CD33: variants seen among roughly 807,000 people sequenced by gnomAD.
CD33 encodes the protein CD33 molecule, also known as myeloid cell surface antigen CD33.
A neutral mutation model predicts 31.4 loss-of-function variants in CD33; 25 were observed. That is an observed-to-expected ratio of 0.80 (90% CI 0.58 to 1.11). The LOEUF is 1.11. Among genes scored for constraint, CD33 ranks in the 50% most tolerant of loss-of-function variants. The pLI is 0.00. For synonymous variants in CD33, 176 were observed against 180.6 expected, an observed-to-expected ratio of 0.97 and a Z score of 0.20; for missense variants, 407 against 448.1, an observed-to-expected ratio of 0.91 and a Z score of 0.83.
rs1002856176 is a variant in CD33 at position 51,239,509 on chromosome 19, C to G, written c.925-9C>G. Reference sequence around the variant, plus strand: ...CCCTGCTCTAACCCCCTTCTTTCCTCTCCATAAGAAACACCAGAAGAAGTC... The same window carrying G: ...CCCTGCTCTAACCCCCTTCTTTCCTGTCCATAAGAAACACCAGAAGAAGTC... On this transcript the variant is annotated splice_polypyrimidine_tract_variant and intron_variant, in intron 6 of 6. Transcript: ENST00000262262. The G allele has an allele frequency of 6.3e-7, 1 of 1,582,312 alleles. No individual in the cohort carries two copies. Among genetic ancestry groups the G allele is most frequent in the Non-Finnish European group, 8.6e-7 (1 of 1,163,198 alleles).
rs1479981381 is a variant in CD33, at chr19:51,239,686, T to G, written c.1093T>G (p.Ter365GlyextTer10). Residue 365 changes from the stop codon to glycine (G), a stop_lost, in exon 7 of 7, where the codon TGA (stop) becomes GGA (glycine). Coordinates refer to ENST00000262262, the MANE Select transcript of CD33 (RefSeq NM_001772.4). The stretch of plus-strand genomic sequence containing the variant: ...CGAATACTCAGAGGTCAGGACCCAG[T>G]GAGGAACCCACAAGAGCATCAGGCT... ...STEYSEVRTQ[*>G] The G allele has an allele frequency of 2.5e-6, 4 of 1,607,600 alleles. No individual in the cohort carries two copies. The Admixed American group carries it at 5.1e-5, about 20-fold the overall frequency.
At chr19:51,228,184 T>C (rs1981167880) in intron 4 of CD33, among the ~76,000 whole-genome samples, 1 of 152,234 alleles carries the variant, frequency 6.6e-6, no homozygotes, top group African/African-American at 2.4e-5. Context: ...AATTTTGAAA[T>C]CTTGTAGTGT....
intron 6 of CD33, chr19:51,236,065 G>A: frequency 1.9e-6 from 1 of 524,476 alleles, no homozygotes. Flanking sequence ...GGCTGAGGCA[G>A]GAGAATGGTA....
At chr19:51,215,587 T>C in the CD33 span, among the ~76,000 whole-genome samples, 1 of 152,132 alleles carries the variant, frequency 6.6e-6, no homozygotes, top group East Asian at 1.9e-4. Context: ...CACCCTCCAA[T>C]ATCGTGCTGG....
intron 4 of CD33, among the ~76,000 whole-genome samples, chr19:51,230,896 C>T (rs562108129): frequency 1.1e-4 from 16 of 152,268 alleles, no homozygotes; most frequent in African/African-American, 3.9e-4. Flanking sequence ...TATGGAACAC[C>T]AAGCTCTGTG....
In CD33 at chr19:51,235,624, G is replaced by C; in HGVS notation, c.872G>C (p.Arg291Thr). 1 of 1,613,992 alleles carries C rather than the reference G, an allele frequency of 6.2e-7. No individual in the cohort carries two copies. The highest frequency in any genetic ancestry group is 1.1e-5 in the South Asian group (1 of 91,022). ...IVKTHRRKAA[R>T]TAVGRNDTHP... ...AAGACCCACAGGAGGAAAGCAGCCA[G>C]GACAGCAGTGGGCAGGAATGACACC... The change falls in exon 6 of 7, where the codon AGG (arginine) becomes ACG (threonine). Residue 291 changes from arginine to threonine, a missense_variant. Arg to Thr is a moderately conservative substitution (Grantham distance 71). Transcript: ENST00000262262.
At chr19:51,222,944 G>C (rs1980753536), upstream of CD33, among the ~76,000 whole-genome samples, 1 of 152,168 alleles carries the variant, frequency 6.6e-6, no homozygotes. Flanking sequence ...GCTGGGCACA[G>C]TGCCTCATGC....
At chr19:51,213,890 C>T in the CD33 span, among the ~76,000 whole-genome samples, 42 of 124,304 alleles carry the variant, frequency 3.4e-4, no homozygotes, top group South Asian at 1.0e-3. Context: ...TATAGGGTCT[C>T]GCTCTGTCGC....
chr19:51,226,845 T>A (rs1250797181), intron 4 of CD33, among the ~76,000 whole-genome samples: 1 of 151,854 alleles, frequency 6.6e-6, no homozygotes, highest in African/African-American at 2.4e-5. Context: ...CTAGTATCCT[T>A]TAACAAATCT....
intron 4 of CD33, among the ~76,000 whole-genome samples, chr19:51,232,967 G>A (rs1280942380): frequency 6.6e-6 from 1 of 152,194 alleles, no homozygotes; most frequent in Non-Finnish European, 1.5e-5. Flanking sequence ...CTAGGGTTTG[G>A]GATGTGAGTG....
the CD33 span, among the ~76,000 whole-genome samples, chr19:51,219,613 G>C: frequency 6.6e-6 from 1 of 152,100 alleles, no homozygotes; most frequent in Admixed American, 6.5e-5. Context: ...AGTTCTTAGG[G>C]GGAATGCTTT....
At position 51,239,517 on chromosome 19, in the gene CD33, G is replaced by A. The variant is rs1321115536; in HGVS notation, c.925-1G>A. 6.3e-7 allele frequency: 1 copy of A among 1,596,778 alleles called. No individual in the cohort carries two copies. The highest frequency in any genetic ancestry group is 1.3e-5 in the African/African-American group (1 of 74,252). On this transcript the variant is annotated splice_acceptor_variant, in intron 6 of 6. Transcript: ENST00000262262. LOFTEE classifies it high-confidence loss of function. ...TAACCCCCTTCTTTCCTCTCCATAA[G>A]AAACACCAGAAGAAGTCCAAGTTAC...
Position 51,231,827 on chromosome 19 carries a change from C to T in CD33, c.746-3330C>T, listed in dbSNP as rs547118613. Among the ~76,000 whole-genome samples the T allele has an allele frequency of 1.1e-4, 17 of 152,092 alleles. No individual in the cohort carries two copies. In the East Asian group the frequency reaches 2.9e-3, roughly 26 times the overall value. On this transcript the variant is annotated intron_variant, in intron 4 of 6. Coordinates refer to ENST00000262262, the MANE Select transcript of CD33 (RefSeq NM_001772.4). ...AGGCAGGAGTGCAGTGGCATGATCACGGCTCACTATAGTCTCGACCTCCTG... is the reference window on the plus strand; with the variant it reads ...AGGCAGGAGTGCAGTGGCATGATCATGGCTCACTATAGTCTCGACCTCCTG...
chr19:51,215,443 G>T, the CD33 span, among the ~76,000 whole-genome samples: 1 of 152,056 alleles, frequency 6.6e-6, no homozygotes, highest in Non-Finnish European at 1.5e-5. Context: ...ACCCCAATCT[G>T]GCCACACTTA....
intron 6 of CD33, chr19:51,236,021 G>A (rs1981777315): frequency 1.8e-6 from 1 of 569,240 alleles, no homozygotes; most frequent in East Asian, 3.2e-5. Context: ...AGCCAGATGT[G>A]GTGGCTGGCG....
upstream of CD33, among the ~76,000 whole-genome samples, chr19:51,224,438 T>C (rs1980842713): frequency 6.6e-6 from 1 of 152,218 alleles, no homozygotes; most frequent in Non-Finnish European, 1.5e-5. Context: ...TATCTGTGTT[T>C]CACTGTCTGC....
intron 3 of CD33, 92 bp from the exon 4 acceptor site, chr19:51,226,217 A>G (rs1186221765): frequency 6.6e-7 from 1 of 1,516,126 alleles, no homozygotes. Flanking sequence ...TCCCTTCTGC[A>G]TTTCTGTGGT....
At chr19:51,229,635 G>A (rs769530739) in intron 4 of CD33, among the ~76,000 whole-genome samples, 1 of 152,000 alleles carries the variant, frequency 6.6e-6, no homozygotes, top group Non-Finnish European at 1.5e-5. Context: ...GATTATATGT[G>A]TCCAGGAACT....
chr19:51,211,328 A>G, the CD33 span: 5 of 1,562,554 alleles, frequency 3.2e-6, no homozygotes, highest in Non-Finnish European at 4.4e-6. Flanking sequence ...TACAACAGGA[A>G]TTTCTCAGTT....
Sources: gnomAD v4.1 joint callset for allele counts (sites outside exome capture counted in the v4.1 genomes callset) on GRCh38, gnomAD v4.1.1 for gene constraint, MANE v1.5 for transcripts, NCBI Gene and HGNC (gene_info 2026-07-23, HGNC 2026-07-21) for gene names.